The following GPC5 variants were observed in gnomAD, a reference collection of about 807,000 sequenced individuals.
GPC5 encodes the protein glypican 5.
In GPC5, 47 loss-of-function variants were observed where a neutral mutation model predicts 53.9. That is an observed-to-expected ratio of 0.87 (90% CI 0.69 to 1.11). The LOEUF is 1.11. Among genes scored for constraint, GPC5 ranks in the 50% most tolerant of loss-of-function variants. GPC5 has a pLI of 0.00. For missense variants in GPC5, 748 were observed against 713.1 expected (o/e 1.05, Z -0.56); for synonymous variants, 286 against 263.3 (o/e 1.09, Z -0.84).
intron 5 of GPC5, among the ~76,000 whole-genome samples, chr13:91,792,276 A>C (rs1285215793): frequency 1.3e-5 from 2 of 152,238 alleles, no homozygotes; most frequent in African/African-American, 2.4e-5. Context: ...CAACACATCT[A>C]GTATAGTAAC....
intron 6 of GPC5, among the ~76,000 whole-genome samples, chr13:91,987,419 C>G (rs1346752337): frequency 6.6e-6 from 1 of 152,126 alleles, no homozygotes; most frequent in African/African-American, 2.4e-5. Flanking sequence ...TTCACTGTTG[C>G]TAGAAAACTC....
At chr13:91,447,013 G>T (rs995938698) in intron 1 of GPC5, among the ~76,000 whole-genome samples, 1 of 152,186 alleles carries the variant, frequency 6.6e-6, no homozygotes, top group Non-Finnish European at 1.5e-5. Context: ...GTGATGGGAA[G>T]AGTACAAAGG....
intron 7 of GPC5, among the ~76,000 whole-genome samples, chr13:92,614,344 G>A (rs1884609133): frequency 6.6e-6 from 1 of 152,070 alleles, no homozygotes; most frequent in African/African-American, 2.4e-5. Context: ...CAAATCTGTT[G>A]TAAAACAAAA....
intron 7 of GPC5, among the ~76,000 whole-genome samples, chr13:92,552,948 G>T (rs1882368389): frequency 1.3e-5 from 2 of 151,736 alleles, no homozygotes; most frequent in Non-Finnish European, 2.9e-5. Context: ...CACTCTCCAT[G>T]GCTGAACTAA....
At chr13:92,453,199 A>G (rs1878133926) in intron 7 of GPC5, among the ~76,000 whole-genome samples, 1 of 152,226 alleles carries the variant, frequency 6.6e-6, no homozygotes, top group Non-Finnish European at 1.5e-5. Flanking sequence ...CAATACAACT[A>G]TTGCTCATTC....
chr13:91,687,127 G>T (rs1428407046), intron 2 of GPC5, among the ~76,000 whole-genome samples: 2 of 151,870 alleles, frequency 1.3e-5, no homozygotes, highest in African/African-American at 4.8e-5. Context: ...TGCCAGAGAG[G>T]TTATTATAAC....
intron 2 of GPC5, among the ~76,000 whole-genome samples, chr13:91,458,440 G>A (rs1262654555): frequency 6.6e-6 from 1 of 152,062 alleles, no homozygotes; most frequent in Non-Finnish European, 1.5e-5. Flanking sequence ...ACAAGACAAG[G>A]ATGCCCACTT....
At chr13:92,049,881 A>G (rs2041013720) in intron 6 of GPC5, among the ~76,000 whole-genome samples, 2 of 152,132 alleles carry the variant, frequency 1.3e-5, no homozygotes, top group Non-Finnish European at 2.9e-5. Context: ...ACAAAATAGT[A>G]TGTCTAGAAA....
At chr13:92,733,542 A>G (rs1717800348) in intron 7 of GPC5, among the ~76,000 whole-genome samples, 1 of 151,792 alleles carries the variant, frequency 6.6e-6, no homozygotes, top group African/African-American at 2.4e-5. Context: ...TGAGTTGATT[A>G]AAACAAGTTG....
chr13:91,677,819 T>A (rs977714608), intron 2 of GPC5, among the ~76,000 whole-genome samples: 7 of 152,222 alleles, frequency 4.6e-5, no homozygotes, highest in Non-Finnish European at 1.0e-4. Flanking sequence ...TAAATATATA[T>A]TTCTAGTGCA....
intron 7 of GPC5, among the ~76,000 whole-genome samples, chr13:92,751,399 G>C (rs13378166): frequency 7.4e-6 from 1 of 135,966 alleles, no homozygotes; most frequent in African/African-American, 2.7e-5. Flanking sequence ...CTAGAATTAA[G>C]ATGCACAATT....
chr13:92,684,081 T>A (rs1215058921), intron 7 of GPC5, among the ~76,000 whole-genome samples: 1 of 152,082 alleles, frequency 6.6e-6, no homozygotes, highest in Non-Finnish European at 1.5e-5. Context: ...CCTCCTTTCT[T>A]TCCTCCCCAG....
intron 7 of GPC5, among the ~76,000 whole-genome samples, chr13:92,786,009 CTT>C (rs1247585577): frequency 6.6e-6 from 1 of 152,100 alleles, no homozygotes; most frequent in Non-Finnish European, 1.5e-5. Context: ...AAAATCAACC[CTT>C]GTCAAAATAT....
At chr13:92,182,317 AT>A (rs1228569286) in intron 7 of GPC5, among the ~76,000 whole-genome samples, 3 of 152,248 alleles carry the variant, frequency 2.0e-5, no homozygotes, top group African/African-American at 7.2e-5. Flanking sequence ...AACTGACTTT[AT>A]CAGTAAAAAA....
chr13:92,154,500 T>C (rs1387383092), intron 7 of GPC5, among the ~76,000 whole-genome samples: 3 of 152,218 alleles, frequency 2.0e-5, no homozygotes, highest in Non-Finnish European at 2.9e-5. Context: ...GATAATAAAT[T>C]GATTCCCTCC....
At chr13:92,530,217 A>AC (rs1306398114) in intron 7 of GPC5, among the ~76,000 whole-genome samples, 3 of 3,696 alleles carry the variant, frequency 8.1e-4, no homozygotes, top group African/African-American at 8.8e-4. Flanking sequence ...CTATTATATA[A>AC]TAAACACACA....
intron 7 of GPC5, among the ~76,000 whole-genome samples, chr13:92,705,458 C>T (rs1406149260): frequency 6.6e-6 from 1 of 151,834 alleles, no homozygotes; most frequent in Non-Finnish European, 1.5e-5. Context: ...TGTAGCTATT[C>T]CATATTGAGA....
At chr13:92,332,383 T>C (rs2043294097) in intron 7 of GPC5, among the ~76,000 whole-genome samples, 1 of 152,192 alleles carries the variant, frequency 6.6e-6, no homozygotes, top group African/African-American at 2.4e-5. Flanking sequence ...GGAATAAAGA[T>C]AATTGACAGA....
intron 6 of GPC5, among the ~76,000 whole-genome samples, chr13:92,129,646 T>TA (rs1174531619): frequency 6.6e-6 from 1 of 152,278 alleles, no homozygotes; most frequent in African/African-American, 2.4e-5. Flanking sequence ...TTTAAATCTA[T>TA]AAAAAATCAT....
Sources: allele counts gnomAD v4.1 joint callset (sites outside exome capture counted in the v4.1 genomes callset), GRCh38; gene constraint gnomAD v4.1.1; transcripts MANE v1.5; gene names NCBI Gene and HGNC (gene_info 2026-07-23, HGNC 2026-07-21).